The following CCDC148 variants were observed in gnomAD, a reference collection of about 807,000 sequenced individuals.
CCDC148 encodes coiled-coil domain-containing protein 148.
In CCDC148, 89 loss-of-function variants were observed where a neutral mutation model predicts 85.7. That is an observed-to-expected ratio of 1.04 (90% confidence interval 0.87 to 1.24). The LOEUF is 1.24. Ranked by LOEUF, CCDC148 falls within the 50% of genes most tolerant of loss-of-function variation. CCDC148 has a pLI of 0.00. For synonymous variants in CCDC148, 230 were observed against 213.9 expected (o/e 1.08, Z -0.66); for missense variants, 692 against 671.7 (o/e 1.03, Z -0.33).
chr2:158,311,333 T>A (rs1574600474), intron 8 of CCDC148, among the ~76,000 whole-genome samples: 1 of 152,068 alleles, frequency 6.6e-6, no homozygotes, highest in Non-Finnish European at 1.5e-5. Context: ...CAGTCAGGCG[T>A]GGCGGCGCGA....
intron 11 of CCDC148, among the ~76,000 whole-genome samples, chr2:158,205,882 T>C (rs1474816893): frequency 1.3e-5 from 2 of 152,140 alleles, no homozygotes; most frequent in African/African-American, 4.8e-5. Flanking sequence ...GTAACTAGAA[T>C]GTCTTATAGA....
intron 11 of CCDC148, among the ~76,000 whole-genome samples, chr2:158,188,942 A>G (rs558964241): frequency 1.3e-5 from 2 of 152,154 alleles, no homozygotes; most frequent in Admixed American, 1.3e-4. Flanking sequence ...ATCAACAGAC[A>G]CTTCTCAAAA....
At chr2:158,228,083 T>C (rs1422496966) in intron 10 of CCDC148, among the ~76,000 whole-genome samples, 5 of 152,074 alleles carry the variant, frequency 3.3e-5, no homozygotes, top group African/African-American at 4.8e-5. Flanking sequence ...ATATCCAGAA[T>C]CTACAATGAA....
chr2:158,334,133 A>C (rs1166430084), intron 7 of CCDC148, among the ~76,000 whole-genome samples: 1 of 152,090 alleles, frequency 6.6e-6, no homozygotes, highest in African/African-American at 2.4e-5. Flanking sequence ...GCCTCCTATG[A>C]CTGGGTCCTC....
intron 1 of CCDC148, among the ~76,000 whole-genome samples, chr2:158,383,744 C>T (rs927602778): frequency 1.3e-5 from 2 of 152,082 alleles, no homozygotes; most frequent in Non-Finnish European, 2.9e-5. Context: ...GTCTTTCCTA[C>T]AAACAAGGAC....
At chr2:158,246,414 G>C (rs1688571977) in intron 10 of CCDC148, among the ~76,000 whole-genome samples, 1 of 152,146 alleles carries the variant, frequency 6.6e-6, no homozygotes, top group Non-Finnish European at 1.5e-5. Context: ...TCTCTGAGTT[G>C]ACATGGAAAT....
intron 3 of CCDC148, among the ~76,000 whole-genome samples, chr2:158,342,373 A>G (rs1682759338): frequency 6.6e-6 from 1 of 152,090 alleles, no homozygotes; most frequent in Non-Finnish European, 1.5e-5. Context: ...GAGGGGTGAT[A>G]TTGTAAGTGA....
intron 1 of CCDC148, among the ~76,000 whole-genome samples, chr2:158,391,343 C>T (rs1197767662): frequency 6.6e-6 from 1 of 152,136 alleles, no homozygotes; most frequent in Non-Finnish European, 1.5e-5. Context: ...GCCTATATTA[C>T]TACTCCTAAA....
intron 2 of CCDC148, among the ~76,000 whole-genome samples, chr2:158,346,972 G>C (rs1429233745): frequency 2.6e-5 from 4 of 152,134 alleles, no homozygotes; most frequent in Non-Finnish European, 5.9e-5. Flanking sequence ...AGGTAAGAGT[G>C]TTACAATTAT....
chr2:158,371,126 C>G (rs1684422398), intron 1 of CCDC148, among the ~76,000 whole-genome samples: 1 of 151,796 alleles, frequency 6.6e-6, no homozygotes, highest in African/African-American at 2.4e-5. Context: ...CATGGTATGC[C>G]TATTTTACCA....
intron 7 of CCDC148, among the ~76,000 whole-genome samples, chr2:158,316,594 G>T (rs1303877312): frequency 6.6e-6 from 1 of 152,100 alleles, no homozygotes. Flanking sequence ...CATGCTTAAA[G>T]GAAATGATAT....
intron 1 of CCDC148, among the ~76,000 whole-genome samples, chr2:158,362,703 A>C (rs1684015093): frequency 6.6e-6 from 1 of 152,224 alleles, no homozygotes. Flanking sequence ...CTAAATGCCC[A>C]CAAGAGAAAG....
At chr2:158,412,127 G>T (rs935842401) in intron 1 of CCDC148, among the ~76,000 whole-genome samples, 3 of 152,138 alleles carry the variant, frequency 2.0e-5, no homozygotes, top group Non-Finnish European at 4.4e-5. Context: ...AACTACTGGG[G>T]TCCTCCTGCT....
At chr2:158,434,153 G>A (rs996002790) in intron 1 of CCDC148, among the ~76,000 whole-genome samples, 2 of 152,142 alleles carry the variant, frequency 1.3e-5, no homozygotes, top group African/African-American at 2.4e-5. Context: ...TGAGATCTGA[G>A]AACAGACAGA....
At chr2:158,251,036 C>T in intron 9 of CCDC148, 124 bp from the exon 10 acceptor site, 1 of 832,824 alleles carries the variant, frequency 1.2e-6, no homozygotes, top group Non-Finnish European at 1.8e-6. Context: ...TGTTTAAATT[C>T]TATGTGCACA....
chr2:158,454,838 T>C (rs1688537098), intron 1 of CCDC148, among the ~76,000 whole-genome samples: 1 of 152,130 alleles, frequency 6.6e-6, no homozygotes, highest in Non-Finnish European at 1.5e-5. Context: ...AATACAAAAA[T>C]AAACAAAAAA....
intron 1 of CCDC148, among the ~76,000 whole-genome samples, chr2:158,431,152 A>G (rs1050158522): frequency 6.6e-6 from 1 of 151,986 alleles, no homozygotes. Context: ...GGGAATGAGG[A>G]AAAAAATAAT....
chr2:158,209,673 G>T (rs971014373), intron 11 of CCDC148, among the ~76,000 whole-genome samples: 1 of 152,152 alleles, frequency 6.6e-6, no homozygotes, highest in African/African-American at 2.4e-5. Context: ...CATTCTTAAA[G>T]AAAAGAATTT....
chr2:158,191,899 G>A (rs77169705), intron 11 of CCDC148, among the ~76,000 whole-genome samples: 8,528 of 152,032 alleles, frequency 0.056, 805 homozygotes, highest in African/African-American at 0.19. Flanking sequence ...CCCATCTCCA[G>A]TGCCTACTTG....
Sources: gnomAD v4.1 joint callset for allele counts (sites outside exome capture counted in the v4.1 genomes callset) on GRCh38, gnomAD v4.1.1 for gene constraint, MANE v1.5 for transcripts, NCBI Gene and HGNC (gene_info 2026-07-23, HGNC 2026-07-21) for gene names.